Variants in FOXD2 observed in about 807,000 individuals in gnomAD.
FOXD2 encodes forkhead box protein D2.
FOXD2 carries 4 observed loss-of-function variants against 6.4 expected under a neutral mutation model. That is an observed-to-expected ratio of 0.62 (90% CI 0.31 to 1.42). The LOEUF is 1.42. FOXD2 is among the 40% of genes most tolerant of loss of function. The pLI is 0.08. For missense variants in FOXD2, 709 were observed against 766.8 expected (o/e 0.92, Z 0.89); for synonymous variants, 393 against 373.6 (o/e 1.05, Z -0.60).
In FOXD2 at chr1:47,438,199, G is replaced by A; in HGVS notation, c.64G>A (p.Glu22Lys). Residue 22 changes from glutamate to lysine, a missense_variant, in exon 1 of 1, where the codon GAG (glutamate) becomes AAG (lysine). Around this residue, in one of 5 missense-constraint regions of FOXD2, gnomAD observed 220 missense variants for 199.2 expected, o/e 1.10. Coordinates refer to ENST00000334793, the MANE Select transcript of FOXD2 (RefSeq NM_004474.4). The part of the protein sequence containing the change: ...SSESSPAALS[E>K]ADADIDVVGG... ...CGAGAGCTCCCCGGCCGCGCTGTCCGAGGCCGACGCAGACATAGACGTGGT... is the reference window on the plus strand; with the variant it reads ...CGAGAGCTCCCCGGCCGCGCTGTCCAAGGCCGACGCAGACATAGACGTGGT... 1 of 1,460,392 alleles carries A rather than the reference G, an allele frequency of 6.8e-7. No homozygotes were observed. The highest frequency in any genetic ancestry group is 1.5e-5 in the African/African-American group (1 of 68,276). 90.5% of individuals were successfully genotyped at this position (1,460,392 alleles called of 1,614,324 possible).
rs1331340766 is a variant in FOXD2, at chr1:47,439,526, C to T, written c.1391C>T (p.Ala464Val). 2 of 1,552,322 alleles carry T rather than the reference C, an allele frequency of 1.3e-6. No individual in the cohort carries two copies. Among genetic ancestry groups the T allele is most frequent in the East Asian group, 2.4e-5 (1 of 41,372 alleles). ...MLTAPALAPVAGHIRLSHPGD... is the reference protein window; with the variant it reads ...MLTAPALAPVVGHIRLSHPGD... The stretch of plus-strand genomic sequence containing the variant: ...ACTGCTCCGGCCCTGGCTCCCGTTG[C>T]TGGCCACATTCGCCTCTCGCATCCC... The change falls in exon 1 of 1, where the codon GCT (alanine) becomes GTT (valine). Residue 464 changes from alanine (A) to valine (V), a missense_variant. Coordinates refer to ENST00000334793, the MANE Select transcript of FOXD2 (RefSeq NM_004474.4).
At position 47,438,276 on chromosome 1, in the gene FOXD2, C is replaced by G; in HGVS notation, c.141C>G (p.Ala47=). The stretch of plus-strand genomic sequence containing the variant: ...TCCCAGCTCGCTCCGGGCCCCGCGC[C>G]CCCCGGGACGTGCTCCCCCACGGCC... The part of the protein sequence containing the change: ...GELPARSGPR[A]PRDVLPHGHE... Residue 47 remains alanine (A), a synonymous_variant, in exon 1 of 1, where the codon GCC becomes GCG. Coordinates refer to ENST00000334793, the MANE Select transcript of FOXD2 (RefSeq NM_004474.4). 1 of 1,353,676 alleles carries G rather than the reference C, an allele frequency of 7.4e-7. No individual in the cohort carries two copies. Among genetic ancestry groups the G allele is most frequent in the Non-Finnish European group, 9.5e-7 (1 of 1,056,398 alleles). The allele number at this position is 1,353,676 out of a possible 1,614,324, so 83.9% of individuals were successfully genotyped here. A position where few individuals can be genotyped will look rare whatever the true frequency, so the allele number is the denominator to read the frequency against.
rs1337597972 is a variant in FOXD2 at position 47,439,336 on chromosome 1, G to A, written c.1201G>A (p.Gly401Ser). The change falls in exon 1 of 1, where the codon GGC becomes AGC. Residue 401 changes from glycine to serine, a missense_variant. Coordinates refer to ENST00000334793, the MANE Select transcript of FOXD2 (RefSeq NM_004474.4). The stretch of plus-strand genomic sequence containing the variant: ...GACGGACGCGGGCGGTGGTGCAGGC[G>A]GCGGGGGCGCCGGGGCAGGGCAGAG... ...LKTDAGGGAG[G>S]GGAGAGQRPS... 2 of 1,483,822 alleles carry A rather than the reference G, an allele frequency of 1.3e-6. No individual in the cohort carries two copies. The highest frequency in any genetic ancestry group is 5.2e-5 in the East Asian group (2 of 38,278). 91.9% of individuals were successfully genotyped at this position (1,483,822 alleles called of 1,614,324 possible).
rs1390749072 is a variant in FOXD2 at position 47,438,534 on chromosome 1, C to T, written c.399C>T (p.Ile133=). The T allele has an allele frequency of 6.2e-7, 1 of 1,612,242 alleles. No homozygotes were observed. Among genetic ancestry groups the T allele is most frequent in the Non-Finnish European group, 8.5e-7 (1 of 1,179,346 alleles). ...TGGTGAAGCCGCCCTACTCGTACAT[C>T]GCGCTCATCACCATGGCCATCCTGC... The part of the protein sequence containing the change: ...SPLVKPPYSY[I]ALITMAILQS... Residue 133 remains isoleucine (I), a synonymous_variant, in exon 1 of 1, where the codon ATC becomes ATT. Coordinates refer to ENST00000334793, the MANE Select transcript of FOXD2 (RefSeq NM_004474.4).
chr1:47,438,365 G>T lies in FOXD2; in HGVS notation c.230G>T (p.Cys77Phe), dbSNP rs1303461044. 19 of 1,234,934 alleles carry T rather than the reference G, an allele frequency of 1.5e-5. No individual in the cohort carries two copies. The highest frequency in any genetic ancestry group is 1.7e-5 in the Non-Finnish European group (17 of 988,494). 76.5% of individuals were successfully genotyped at this position (1,234,934 alleles called of 1,614,324 possible). A position where few individuals can be genotyped will look rare whatever the true frequency, so the allele number is the denominator to read the frequency against. ...GAGGACGAGGAGGAGTCTGGTGGCT[G>T]CTCGGACGGCGAGCCCCGCGCTCTG... ...LAEDEEESGG[C>F]SDGEPRALAS... Residue 77 changes from cysteine to phenylalanine, a missense_variant, in exon 1 of 1, where the codon TGC becomes TTC. By Grantham distance (205) the Cys-to-Phe change is radical. Around this residue, in one of 5 missense-constraint regions of FOXD2, gnomAD observed 220 missense variants for 199.2 expected, o/e 1.10. Transcript: ENST00000334793.
chr1:47,439,317 C>T lies in FOXD2; in HGVS notation c.1182C>T (p.Asp394=), dbSNP rs1434542065. 2.0e-6 allele frequency: 3 copies of T among 1,477,394 alleles called. No individual in the cohort carries two copies. Among genetic ancestry groups the T allele is most frequent in the African/African-American group, 2.9e-5 (2 of 67,956 alleles). 91.5% of individuals were successfully genotyped at this position (1,477,394 alleles called of 1,614,324 possible). Residue 394 remains aspartate, a synonymous_variant, in exon 1 of 1, where the codon GAC becomes GAT. Coordinates refer to ENST00000334793, the MANE Select transcript of FOXD2 (RefSeq NM_004474.4). ...TALLRQGLKT[D]AGGGAGGGGA... ...TTCTGCGCCAGGGCCTCAAGACGGA[C>T]GCGGGCGGTGGTGCAGGCGGCGGGG...
In FOXD2 at chr1:47,439,115, T is replaced by C. The variant is rs1350870535; in HGVS notation, c.980T>C (p.Val327Ala). ...CCACCCGGACCTCCGACGGCCTCGG[T>C]GTTCGCAGGCGCGGGATCGGCCCCA... is the stretch of plus-strand genomic sequence containing the variant. ...APPPGPPTAS[V>A]FAGAGSAPAP... Residue 327 changes from valine to alanine, a missense_variant, in exon 1 of 1, where the codon GTG (valine) becomes GCG (alanine). Physicochemically the swap from Val to Ala is moderately conservative, Grantham distance 64 (BLOSUM62 0). Coordinates refer to ENST00000334793, the MANE Select transcript of FOXD2 (RefSeq NM_004474.4). 1 of 1,458,900 alleles carries C rather than the reference T, an allele frequency of 6.9e-7. No homozygotes were observed. Among genetic ancestry groups the C allele is most frequent in the East Asian group, 3.1e-5 (1 of 32,648 alleles). The allele number at this position is 1,458,900 out of a possible 1,614,324, so 90.4% of individuals were successfully genotyped here. A position where few individuals can be genotyped will look rare whatever the true frequency, so the allele number is the denominator to read the frequency against.
chr1:47,438,105 G>A lies in FOXD2; in HGVS notation c.-31G>A. ...CCCGAGCCGCTGCCGGAGCGGAGCC[G>A]GAGAGTGGCGGCGGCGGCGGCAGCG... On this transcript the variant is annotated 5_prime_UTR_variant, in exon 1 of 1. Transcript: ENST00000334793. 3 of 1,385,330 alleles carry A rather than the reference G, an allele frequency of 2.2e-6. No homozygotes were observed. The highest frequency in any genetic ancestry group is 2.8e-6 in the Non-Finnish European group (3 of 1,073,736). The allele number at this position is 1,385,330 out of a possible 1,614,324, so 85.8% of individuals were successfully genotyped here.
Position 47,439,300 on chromosome 1 carries a change from C to A in FOXD2, c.1165C>A (p.Gln389Lys). The change falls in exon 1 of 1, where the codon CAG (glutamine) becomes AAG (lysine). Residue 389 changes from glutamine (Q) to lysine (K), a missense_variant. This residue lies in a region of FOXD2 where 322 missense variants were observed against 313.8 expected (regional missense o/e 1.03). Coordinates refer to ENST00000334793, the MANE Select transcript of FOXD2 (RefSeq NM_004474.4). Reference protein sequence around the residue: ...AAGLPTALLRQGLKTDAGGGA... With the variant: ...AAGLPTALLRKGLKTDAGGGA... ...GGGTCTGCCCACCGCACTTCTGCGCCAGGGCCTCAAGACGGACGCGGGCGG... is the reference window on the plus strand; with the variant it reads ...GGGTCTGCCCACCGCACTTCTGCGCAAGGGCCTCAAGACGGACGCGGGCGG... 6.7e-7 allele frequency: 1 copy of A among 1,490,956 alleles called. No homozygotes were observed. The highest frequency in any genetic ancestry group is 8.8e-7 in the Non-Finnish European group (1 of 1,133,548). 92.4% of individuals were successfully genotyped at this position (1,490,956 alleles called of 1,614,324 possible). A position where few individuals can be genotyped will look rare whatever the true frequency, so the allele number is the denominator to read the frequency against.
rs888410039 is a variant in FOXD2 at position 47,439,041 on chromosome 1, C to T, written c.906C>T (p.Ala302=). 4.5e-5 allele frequency: 65 copies of T among 1,444,164 alleles called. No homozygotes were observed. The highest frequency in any genetic ancestry group is 2.3e-4 in the Admixed American group (9 of 38,402). The allele number at this position is 1,444,164 out of a possible 1,614,324, so 89.5% of individuals were successfully genotyped here. A position where few individuals can be genotyped will look rare whatever the true frequency, so the allele number is the denominator to read the frequency against. Residue 302 remains alanine, a synonymous_variant, in exon 1 of 1, where the codon GCC becomes GCT. Transcript: ENST00000334793. ...PHAFAFAAAA[A]AAPCQLSVPP... ...CCTTCGCTTTCGCCGCGGCAGCCGC[C>T]GCCGCTCCTTGCCAGCTGTCGGTAC... is the stretch of plus-strand genomic sequence containing the variant.
In FOXD2 at chr1:47,439,462, G is replaced by T; in HGVS notation, c.1327G>T (p.Ala443Ser). ...TCCGGGACCGCCATTCGCGGCAGCC[G>T]CGGGTCCTGGGGGCCAAGCCCAGGT... is the stretch of plus-strand genomic sequence containing the variant. ...GSPGPPFAAA[A>S]GPGGQAQVLA... Residue 443 changes from alanine (A) to serine (S), a missense_variant, in exon 1 of 1, where the codon GCG (alanine) becomes TCG (serine). Coordinates refer to ENST00000334793, the MANE Select transcript of FOXD2 (RefSeq NM_004474.4). 6.5e-7 allele frequency: 1 copy of T among 1,543,262 alleles called. No individual in the cohort carries two copies. Among genetic ancestry groups the T allele is most frequent in the Non-Finnish European group, 8.7e-7 (1 of 1,147,912 alleles).
rs145909683 is a variant in FOXD2, at chr1:47,438,495, G to A, written c.360G>A (p.Ala120=). Residue 120 remains alanine (A), a synonymous_variant, in exon 1 of 1, where the codon GCG becomes GCA. Transcript: ENST00000334793. The stretch of plus-strand genomic sequence containing the variant: ...CGGGACCGCCGTCGGGGGGCGCGGC[G>A]ACGCGGAGCCCGCTGGTGAAGCCGC... The part of the protein sequence containing the change: ...PGPGPPSGGA[A]TRSPLVKPPY... The A allele has an allele frequency of 2.1e-3, 3,266 of 1,579,416 alleles. 6 individuals are homozygous for A. The highest frequency in any genetic ancestry group is 2.6e-3 in the Non-Finnish European group (2,978 of 1,164,484).
chr1:47,438,061 C>G lies in FOXD2; in HGVS notation c.-75C>G. 7.8e-7 allele frequency: 1 copy of G among 1,286,432 alleles called. No individual in the cohort carries two copies. The highest frequency in any genetic ancestry group is 9.8e-7 in the Non-Finnish European group (1 of 1,017,172). 79.7% of individuals were successfully genotyped at this position (1,286,432 alleles called of 1,614,324 possible). On this transcript the variant is annotated 5_prime_UTR_variant, in exon 1 of 1. Coordinates refer to ENST00000334793, the MANE Select transcript of FOXD2 (RefSeq NM_004474.4). ...GCCCGCGCGCAAAACGCACTCGCCC[C>G]AGAGGCAGCGCGGCCGAGCCCGAGC...
Position 47,438,766 on chromosome 1 carries a change from T to G in FOXD2, c.631T>G (p.Phe211Val). ...WTLDPESADM[F>V]DNGSFLRRRK... ...GCTGGACCCGGAGTCGGCCGACATG[T>G]TCGACAACGGCAGCTTCCTGCGGCG... The change falls in exon 1 of 1, where the codon TTC becomes GTC. Residue 211 changes from phenylalanine (F) to valine (V), a missense_variant. Around this residue, in one of 5 missense-constraint regions of FOXD2, gnomAD observed 69 missense variants for 145.6 expected, o/e 0.47. Coordinates refer to ENST00000334793, the MANE Select transcript of FOXD2 (RefSeq NM_004474.4). 6.2e-7 allele frequency: 1 copy of G among 1,613,772 alleles called. No individual in the cohort carries two copies. Among genetic ancestry groups the G allele is most frequent in the Admixed American group, 1.7e-5 (1 of 60,024 alleles).
chr1:47,439,233 C>A lies in FOXD2; in HGVS notation c.1098C>A (p.Phe366Leu), dbSNP rs1378914367. 6.7e-7 allele frequency: 1 copy of A among 1,496,876 alleles called. No individual in the cohort carries two copies. Among genetic ancestry groups the A allele is most frequent in the South Asian group, 1.3e-5 (1 of 79,226 alleles). The allele number at this position is 1,496,876 out of a possible 1,614,324, so 92.7% of individuals were successfully genotyped here. A position where few individuals can be genotyped will look rare whatever the true frequency, so the allele number is the denominator to read the frequency against. ...CGGAGCTGGGCTGCGCCAAAGCCTT[C>A]TACGCGGCGTCCCTGAGTCCTCCCG... ...LGAELGCAKA[F>L]YAASLSPPAA... Residue 366 changes from phenylalanine to leucine, a missense_variant, in exon 1 of 1, where the codon TTC becomes TTA. Coordinates refer to ENST00000334793, the MANE Select transcript of FOXD2 (RefSeq NM_004474.4).
rs1283549052 is a variant in FOXD2 at position 47,438,423 on chromosome 1, C to A, written c.288C>A (p.Ser96Arg). ...ASRGAAAAAG[S>R]PGPGAAAARG... The stretch of plus-strand genomic sequence containing the variant: ...GGGGGGCGGCGGCCGCAGCGGGGAG[C>A]CCGGGGCCAGGCGCCGCGGCGGCCC... The change falls in exon 1 of 1, where the codon AGC (serine) becomes AGA (arginine). Residue 96 changes from serine to arginine, a missense_variant. By Grantham distance (110) the Ser-to-Arg change is moderately radical. Around this residue, in one of 5 missense-constraint regions of FOXD2, gnomAD observed 220 missense variants for 199.2 expected, o/e 1.10. Coordinates refer to ENST00000334793, the MANE Select transcript of FOXD2 (RefSeq NM_004474.4). 2.6e-6 allele frequency: 3 copies of A among 1,150,196 alleles called. No individual in the cohort carries two copies. The highest frequency in any genetic ancestry group is 3.6e-4 in the Middle Eastern group (1 of 2,810). The allele number at this position is 1,150,196 out of a possible 1,614,324, so 71.2% of individuals were successfully genotyped here.
rs2124082233 is a variant in FOXD2, at chr1:47,438,474, A to G, written c.339A>G (p.Gly113=). ...AARGAAGPGP[G]PPSGGAATRS... is the part of the protein sequence containing the mutation. ...GCGGCGCAGCGGGGCCCGGGCCGGG[A>G]CCGCCGTCGGGGGGCGCGGCGACGC... The change falls in exon 1 of 1, where the codon GGA becomes GGG. Residue 113 remains glycine (G), a synonymous_variant. Transcript: ENST00000334793. 2 of 1,533,124 alleles carry G rather than the reference A, an allele frequency of 1.3e-6. No individual in the cohort carries two copies. The highest frequency in any genetic ancestry group is 2.3e-4 in the Middle Eastern group (1 of 4,324). The allele number at this position is 1,533,124 out of a possible 1,614,324, so 95.0% of individuals were successfully genotyped here.
rs1183368031 is a variant in FOXD2, at chr1:47,439,926, C to T, written c.*303C>T. The T allele has an allele frequency of 3.2e-5, 12 of 375,874 alleles. No individual in the cohort carries two copies. The South Asian group carries it at 3.8e-4, about 12-fold the overall frequency. 23.3% of individuals were successfully genotyped at this position (375,874 alleles called of 1,614,324 possible). A position where few individuals can be genotyped will look rare whatever the true frequency, so the allele number is the denominator to read the frequency against. The stretch of plus-strand genomic sequence containing the variant: ...TTTTTTTCCCTGCCTCTGCGCCTCT[C>T]GGGGAACACATTCCGGGAGAGATGC... On this transcript the variant is annotated 3_prime_UTR_variant, in exon 1 of 1. Transcript: ENST00000334793.
Position 47,438,179 on chromosome 1 carries a change from GCTCCCCGGC to G in FOXD2, c.46_54del (p.Ser16_Ala18del). The G allele has an allele frequency of 6.8e-7, 1 of 1,466,862 alleles. No individual in the cohort carries two copies. 90.9% of individuals were successfully genotyped at this position (1,466,862 alleles called of 1,614,324 possible). On this transcript the variant is annotated inframe_deletion, in exon 1 of 1. Transcript: ENST00000334793. ...TGCTGCGAGATCATGTCCTCCGAGAGCTCCCCGGCCGCGCTGTCCGAGGCCGACGCAGAC... is the reference window on the plus strand; with the variant it reads ...TGCTGCGAGATCATGTCCTCCGAGAGCGCGCTGTCCGAGGCCGACGCAGAC...
Sources: allele counts gnomAD v4.1 joint callset, GRCh38; gene constraint gnomAD v4.1.1; regional missense constraint gnomAD v4.1.1; transcripts MANE v1.5; gene names NCBI Gene and HGNC (gene_info 2026-07-23, HGNC 2026-07-21).